Variants in NBEAL1 observed in about 807,000 individuals in gnomAD.
NBEAL1 encodes the protein neurobeachin-like protein 1.
Under a neutral mutation model 351.3 loss-of-function variants are expected in NBEAL1, and 273 were observed. The ratio of observed to expected loss-of-function variants is 0.78; its 90% CI spans 0.70 to 0.86. The LOEUF (loss-of-function observed/expected upper bound fraction) is 0.86, where lower values mean the gene tolerates loss of function less well. NBEAL1 is among the 40% of genes least tolerant of loss of function. The probability of loss-of-function intolerance (pLI) is 0.00; values close to 1 mark genes in which losing one functional copy is unlikely to be tolerated. For synonymous variants in NBEAL1, 1,050 were observed against 1,086.4 expected (o/e 0.97, Z 0.66); for missense variants, 2,961 against 3,201.3 (o/e 0.92, Z 1.81).
At chr2:203,065,911 A>G (rs575467806) in intron 6 of NBEAL1, among the ~76,000 whole-genome samples, 5 of 152,364 alleles carry the variant, frequency 3.3e-5, no homozygotes, top group Admixed American at 2.6e-4. Flanking sequence ...ATAATGGAGC[A>G]ATTAACTATG....
intron 42 of NBEAL1, 70 bp downstream of exon 42, chr2:203,175,357 A>G (rs1218624263): frequency 1.4e-6 from 2 of 1,477,704 alleles, no homozygotes; most frequent in South Asian, 2.4e-5. Flanking sequence ...CCTTCATGTC[A>G]TGTACTGTGT....
chr2:203,113,842 G>A (rs2062628247), intron 17 of NBEAL1, among the ~76,000 whole-genome samples: 1 of 124,316 alleles, frequency 8.0e-6, no homozygotes, highest in Admixed American at 9.1e-5. Flanking sequence ...TTTTTTTTGA[G>A]ATGGAGTCTG....
At chr2:203,026,459 T>C (rs967098000) in intron 2 of NBEAL1, among the ~76,000 whole-genome samples, 4 of 152,308 alleles carry the variant, frequency 2.6e-5, no homozygotes, top group African/African-American at 9.6e-5. Context: ...AAAGAATCAC[T>C]GTTATTACTT....
chr2:203,097,877 C>A (rs1469868728), intron 11 of NBEAL1, among the ~76,000 whole-genome samples: 2 of 152,072 alleles, frequency 1.3e-5, no homozygotes, highest in African/African-American at 4.8e-5. Flanking sequence ...ATGGTCTTTT[C>A]AATTTGAGGA....
intron 2 of NBEAL1, among the ~76,000 whole-genome samples, chr2:203,037,304 T>C (rs1443053019): frequency 1.3e-5 from 2 of 149,122 alleles, no homozygotes; most frequent in Non-Finnish European, 3.0e-5. Context: ...ATTTAATGAC[T>C]ACATAACTGA....
Position 203,097,533 on chromosome 2 carries a change from T to A in NBEAL1, c.1099-14T>A. 1 of 970,002 alleles carries A rather than the reference T, an allele frequency of 1.0e-6. No individual in the cohort carries two copies. Among genetic ancestry groups the A allele is most frequent in the Middle Eastern group, 5.3e-4 (1 of 1,896 alleles). 60.1% of individuals were successfully genotyped at this position (970,002 alleles called of 1,614,324 possible). On this transcript the variant is annotated splice_polypyrimidine_tract_variant and intron_variant, in intron 10 of 55. Transcript: ENST00000683969. ...ATGTTCTTTCTCCATTATTCTTGTC[T>A]CTGTTTTTAACAGCTATTTTTAAAT...
intron 2 of NBEAL1, among the ~76,000 whole-genome samples, chr2:203,039,321 C>A (rs1175738579): frequency 9.1e-5 from 5 of 54,912 alleles, no homozygotes; most frequent in African/African-American, 3.5e-4. Flanking sequence ...TCCCCCCCTC[C>A]CCTCCCCCTC....
At chr2:203,040,808 A>T in intron 2 of NBEAL1, 1 of 509,280 alleles carries the variant, frequency 2.0e-6, no homozygotes, top group Non-Finnish European at 3.8e-6. Context: ...CCTCCACTAT[A>T]TACCAAAAAT....
At chr2:203,182,048 A>G (rs1020888883) in intron 43 of NBEAL1, 1 of 152,250 alleles carries the variant, frequency 6.6e-6, no homozygotes, top group Non-Finnish European at 1.5e-5. Flanking sequence ...GAAAGCAAAT[A>G]TATCAATTAG....
At chr2:203,018,804 C>G (rs376910647) in intron 2 of NBEAL1, among the ~76,000 whole-genome samples, 54 of 152,172 alleles carry the variant, frequency 3.5e-4, no homozygotes, top group African/African-American at 1.2e-3. Flanking sequence ...AAGCAAATCC[C>G]AGACAATTTA....
intron 6 of NBEAL1, 115 bp downstream of exon 6, chr2:203,057,568 G>A (rs1364627694): frequency 2.3e-5 from 18 of 777,088 alleles, no homozygotes; most frequent in Admixed American, 3.0e-5. Flanking sequence ...AAGACCCACA[G>A]ATTTAACTCT....
At chr2:203,199,483 CCAG>C in intron 49 of NBEAL1, 36 bp downstream of exon 49, 1 of 1,000,686 alleles carries the variant, frequency 1.0e-6, no homozygotes. Context: ...AATAGCTATA[CCAG>C]ATACCTTATT....
chr2:203,040,382 A>G, intron 2 of NBEAL1: 2 of 713,478 alleles, frequency 2.8e-6, no homozygotes, highest in Non-Finnish European at 5.1e-6. Flanking sequence ...TTTGTTGTAC[A>G]CATCAAAAGG....
chr2:203,217,229 A>T, intron 55 of NBEAL1, 24 bp from the exon 56 acceptor site: 1 of 1,462,732 alleles, frequency 6.8e-7, no homozygotes. Context: ...TTTATTCTTC[A>T]TTTCTTTGGA....
chr2:203,193,721 G>T, intron 46 of NBEAL1, 74 bp from the exon 47 acceptor site: 1 of 955,420 alleles, frequency 1.0e-6, no homozygotes, highest in East Asian at 2.4e-5. Context: ...CTAGAGCCTA[G>T]TGTATATGAA....
rs1574979254 is a variant in NBEAL1 at position 203,108,273 on chromosome 2, C to T, written c.1949+85C>T. On this transcript the variant is annotated intron_variant, in intron 14 of 55. Coordinates refer to ENST00000683969, the MANE Select transcript of NBEAL1 (RefSeq NM_001378026.1). ...CTTAAACAGGAAAACTGTTTCCAAG[C>T]ATCTAGCTTTTAGATATACAGCTTA... The T allele has an allele frequency of 5.6e-6, 6 of 1,075,750 alleles. No individual in the cohort carries two copies. In the East Asian group the frequency reaches 1.6e-4, roughly 28 times the overall value. 66.6% of individuals were successfully genotyped at this position (1,075,750 alleles called of 1,614,324 possible). A position where few individuals can be genotyped will look rare whatever the true frequency, so the allele number is the denominator to read the frequency against.
rs373370203 is a variant in NBEAL1 at position 203,210,959 on chromosome 2, A to G, written c.7787A>G (p.Asp2596Gly). 3 of 1,564,432 alleles carry G rather than the reference A, an allele frequency of 1.9e-6. No individual in the cohort carries two copies. Among genetic ancestry groups the G allele is most frequent in the Middle Eastern group, 1.7e-4 (1 of 5,896 alleles). ...TGAATTTTCCTTAATTCTTTTCAGG[A>G]TAAGAATGCATTACATCTGTTTTCT... ...SSTEEKTTLK[D>G]KNALHLFSIN... Residue 2596 changes from aspartate to glycine, a missense_variant and splice_region_variant, in exon 54 of 56, where the codon GAT becomes GGT. By Grantham distance (94) the Asp-to-Gly change is moderately conservative. Coordinates refer to ENST00000683969, the MANE Select transcript of NBEAL1 (RefSeq NM_001378026.1).
Position 203,015,621 on chromosome 2 carries a change from C to T in NBEAL1, c.-229-535C>T, listed in dbSNP as rs1011797150. Among the ~76,000 whole-genome samples the T allele has an allele frequency of 2.0e-5, 3 of 152,152 alleles. No homozygotes were observed. The South Asian group carries it at 6.2e-4, about 32-fold the overall frequency. Reference sequence around the variant, plus strand: ...GATTACAGGTGCCCGCCACCACGCCCGGCTAATTTTTTGTATTTCTTTAGT... The same window carrying T: ...GATTACAGGTGCCCGCCACCACGCCTGGCTAATTTTTTGTATTTCTTTAGT... On this transcript the variant is annotated intron_variant, in intron 1 of 55. Coordinates refer to ENST00000683969, the MANE Select transcript of NBEAL1 (RefSeq NM_001378026.1).
chr2:203,170,097 G>A (rs1397443114), intron 39 of NBEAL1, among the ~76,000 whole-genome samples: 5 of 152,132 alleles, frequency 3.3e-5, no homozygotes, highest in African/African-American at 4.8e-5. Flanking sequence ...AAGGCTGGGC[G>A]CAGTGGCTCA....
Sources: gnomAD v4.1 joint callset for allele counts (sites outside exome capture counted in the v4.1 genomes callset) on GRCh38, gnomAD v4.1.1 for gene constraint, MANE v1.5 for transcripts, NCBI Gene and HGNC (gene_info 2026-07-23, HGNC 2026-07-21) for gene names.